PRLHR: variants seen among roughly 807,000 people sequenced by gnomAD.
PRLHR encodes prolactin-releasing peptide receptor.
PRLHR carries 10 observed loss-of-function variants against 9.3 expected under a neutral mutation model. The observed-to-expected ratio is 1.08, with a 90% CI of 0.66 to 1.82. PRLHR has a LOEUF of 1.82. Among genes scored for constraint, PRLHR ranks in the 40% most tolerant of loss-of-function variants. The probability of loss-of-function intolerance (pLI) is 0.00; values close to 1 mark genes in which losing one functional copy is unlikely to be tolerated. For missense variants in PRLHR, 589 were observed against 512.0 expected, an observed-to-expected ratio of 1.15 and a Z score of -1.45; for synonymous variants, 261 against 249.3, an observed-to-expected ratio of 1.05 and a Z score of -0.44.
At position 118,594,281 on chromosome 10, in the gene PRLHR, A is replaced by C; in HGVS notation, c.964T>G (p.Trp322Gly). The C allele has an allele frequency of 6.2e-7, 1 of 1,605,310 alleles. No homozygotes were observed. The highest frequency in any genetic ancestry group is 8.5e-7 in the Non-Finnish European group (1 of 1,177,130). Residue 322 changes from tryptophan to glycine, a missense_variant, in exon 2 of 2, where the codon TGG becomes GGG. By Grantham distance (184) the Trp-to-Gly change is radical (BLOSUM62 -2). Transcript: ENST00000239032. ...AFGLVQLLCH[W>G]LAMSSACYNP... is the part of the protein sequence containing the mutation. ...TAGCAGGCCGAACTCATGGCGAGCC[A>C]GTGGCAGAGCAGCTGCACCAGCCCA...
rs1844470322 is a variant in PRLHR, at chr10:118,594,664, G to T, written c.581C>A (p.Ala194Asp). 6.3e-7 allele frequency: 1 copy of T among 1,585,024 alleles called. No homozygotes were observed. The highest frequency in any genetic ancestry group is 1.3e-5 in the African/African-American group (1 of 74,620). Residue 194 changes from alanine (A) to aspartate (D), a missense_variant, in exon 2 of 2, where the codon GCC (alanine) becomes GAC (aspartate). Transcript: ENST00000239032. ...CTCCACGTGATAGGTGTGCACGGCG[G>T]CGGGCAGCGCCAGCACCGCGGACAG... is the stretch of plus-strand genomic sequence containing the variant. ...WALSAVLALP[A>D]AVHTYHVELK...
chr10:118,594,474 C>T lies in PRLHR; in HGVS notation c.771G>A (p.Val257=), dbSNP rs1263971389. The T allele has an allele frequency of 1.9e-6, 3 of 1,601,946 alleles. No individual in the cohort carries two copies. Among genetic ancestry groups the T allele is most frequent in the Admixed American group, 1.7e-5 (1 of 59,650 alleles). ...RVSVKLRNRV[V]PGCVTQSQAD... is the part of the protein sequence containing the mutation. ...CCTGGCTCTGGGTCACGCAGCCCGGCACCACGCGGTTGCGGAGCTTCACTG... is the reference window on the plus strand; with the variant it reads ...CCTGGCTCTGGGTCACGCAGCCCGGTACCACGCGGTTGCGGAGCTTCACTG... The change falls in exon 2 of 2, where the codon GTG becomes GTA. Residue 257 remains valine, a synonymous_variant. Coordinates refer to ENST00000239032, the MANE Select transcript of PRLHR (RefSeq NM_004248.3).
rs1195561234 is a variant in PRLHR, at chr10:118,593,347, T to A, written c.*785A>T. 1 of 152,234 alleles carries A rather than the reference T, an allele frequency of 6.6e-6. No homozygotes were observed. The highest frequency in any genetic ancestry group is 1.5e-5 in the Non-Finnish European group (1 of 68,050). The allele number at this position is 152,234 out of a possible 1,614,324, so 9.4% of individuals were successfully genotyped here. On this transcript the variant is annotated 3_prime_UTR_variant, in exon 2 of 2. Transcript: ENST00000239032. ...ATACACACACATACACAAACACACA[T>A]ACACAGAGGATGTCTGTCCTTAGGT...
In PRLHR at chr10:118,594,040, G is replaced by C; in HGVS notation, c.*92C>G. The C allele has an allele frequency of 2.0e-6, 3 of 1,479,408 alleles. No homozygotes were observed. Among genetic ancestry groups the C allele is most frequent in the Non-Finnish European group, 2.7e-6 (3 of 1,114,254 alleles). 91.6% of individuals were successfully genotyped at this position (1,479,408 alleles called of 1,614,324 possible). ...GCCCTATGTTGGCTTAGCTAGCTCT[G>C]GTGCTGAGAATAAGCACCAGATTGA... On this transcript the variant is annotated 3_prime_UTR_variant, in exon 2 of 2. Coordinates refer to ENST00000239032, the MANE Select transcript of PRLHR (RefSeq NM_004248.3).
chr10:118,595,149 G>A lies in PRLHR; in HGVS notation c.96C>T (p.Ala32=). The A allele has an allele frequency of 6.3e-7, 1 of 1,597,014 alleles. No individual in the cohort carries two copies. Among genetic ancestry groups the A allele is most frequent in the Non-Finnish European group, 8.5e-7 (1 of 1,175,588 alleles). ...VTTPANQSAE[A]SAGNGSVAGA... is the part of the protein sequence containing the mutation. The stretch of plus-strand genomic sequence containing the variant: ...CAGCCACCGACCCGTTGCCCGCCGA[G>A]GCCTCTGCGCTCTGGTTGGCGGGAG... The change falls in exon 2 of 2, where the codon GCC becomes GCT. Residue 32 remains alanine, a synonymous_variant. Transcript: ENST00000239032.
chr10:118,592,422 T>C lies in PRLHR; in HGVS notation c.*1710A>G, dbSNP rs1844442029. The C allele has an allele frequency of 6.6e-6, 1 of 152,290 alleles. No individual in the cohort carries two copies. The highest frequency in any genetic ancestry group is 1.5e-5 in the Non-Finnish European group (1 of 68,112). The allele number at this position is 152,290 out of a possible 1,614,324, so 9.4% of individuals were successfully genotyped here. A position where few individuals can be genotyped will look rare whatever the true frequency, so the allele number is the denominator to read the frequency against. ...TCTGGGGCAGGGGTGGGTTGCACTA[T>C]TAGCACACAGGTTCTTTGTTCTCCA... On this transcript the variant is annotated 3_prime_UTR_variant, in exon 2 of 2. Coordinates refer to ENST00000239032, the MANE Select transcript of PRLHR (RefSeq NM_004248.3).
rs1346051107 is a variant in PRLHR, at chr10:118,594,693, C to T, written c.552G>A (p.Trp184Ter). 6.3e-7 allele frequency: 1 copy of T among 1,590,722 alleles called. No individual in the cohort carries two copies. Among genetic ancestry groups the T allele is most frequent in the Non-Finnish European group, 8.5e-7 (1 of 1,171,202 alleles). Residue 184 changes from tryptophan (W) to a stop codon, truncating the protein, a stop_gained, in exon 2 of 2, where the codon TGG (tryptophan) becomes TGA (stop). Transcript: ENST00000239032. LOFTEE classifies it low-confidence loss of function (END_TRUNC). ...RLSAYAVLAI[W>*]ALSAVLALPA... ...GCAGCGCCAGCACCGCGGACAGCGC[C>T]CAGATGGCCAGCACAGCGTAGGCGC...
Position 118,594,574 on chromosome 10 carries a change from A to AGCTGGC in PRLHR, c.665_670dup (p.Arg222_Gln223dup), listed in dbSNP as rs779151782. 329 of 1,559,714 alleles carry AGCTGGC rather than the reference A, an allele frequency of 2.1e-4. 9 individuals carry two copies. The South Asian group carries it at 3.3e-3, about 16-fold the overall frequency. ...GACCAGCAGCAGCCCCCAGGCGTAG[A>AGCTGGC]GCTGGCGCTGGCGCTCCTGGGAGCC... On this transcript the variant is annotated inframe_insertion, in exon 2 of 2. Coordinates refer to ENST00000239032, the MANE Select transcript of PRLHR (RefSeq NM_004248.3).
chr10:118,594,241 TAGATGA>T lies in PRLHR; in HGVS notation c.998_1003del (p.Phe333_Ile334del). Reference sequence around the variant, plus strand: ...GCGGAAGCTGTCGTGCAGCCAGGCGTAGATGAAGGGGTTGTAGCAGGCCGAACTCAT... The same window carrying T: ...GCGGAAGCTGTCGTGCAGCCAGGCGTAGGGGTTGTAGCAGGCCGAACTCAT... On this transcript the variant is annotated inframe_deletion, in exon 2 of 2. Coordinates refer to ENST00000239032, the MANE Select transcript of PRLHR (RefSeq NM_004248.3). The T allele has an allele frequency of 1.2e-6, 2 of 1,601,446 alleles. No homozygotes were observed. The highest frequency in any genetic ancestry group is 1.7e-6 in the Non-Finnish European group (2 of 1,174,392).
chr10:118,593,559 A>C lies in PRLHR; in HGVS notation c.*573T>G, dbSNP rs1259195165. 6.6e-6 allele frequency: 1 copy of C among 152,222 alleles called. No individual in the cohort carries two copies. The highest frequency in any genetic ancestry group is 6.5e-5 in the Admixed American group (1 of 15,280). The allele number at this position is 152,222 out of a possible 1,614,324, so 9.4% of individuals were successfully genotyped here. A position where few individuals can be genotyped will look rare whatever the true frequency, so the allele number is the denominator to read the frequency against. On this transcript the variant is annotated 3_prime_UTR_variant, in exon 2 of 2. Transcript: ENST00000239032. ...ATAAACTCAAGTGGTTTTAAAACGA[A>C]ACCCTTTTGGCATATAAAGGTCTTA... is the stretch of plus-strand genomic sequence containing the variant.
At position 118,594,807 on chromosome 10, in the gene PRLHR, A is replaced by G. The variant is rs773402805; in HGVS notation, c.438T>C (p.Tyr146=). 5 of 1,612,712 alleles carry G rather than the reference A, an allele frequency of 3.1e-6. No individual in the cohort carries two copies. The highest frequency in any genetic ancestry group is 4.2e-6 in the Non-Finnish European group (5 of 1,179,864). Residue 146 remains tyrosine (Y), a synonymous_variant, in exon 2 of 2, where the codon TAT becomes TAC. Coordinates refer to ENST00000239032, the MANE Select transcript of PRLHR (RefSeq NM_004248.3). ...TGGTGGTGAGCGTGAACACCGACACATAGACGGTGACCGGCTGCAGGAAGA... is the reference window on the plus strand; with the variant it reads ...TGGTGGTGAGCGTGAACACCGACACGTAGACGGTGACCGGCTGCAGGAAGA... ...LVFFLQPVTV[Y]VSVFTLTTIA... is the part of the protein sequence containing the mutation.
chr10:118,591,062 T>C lies in PRLHR; in HGVS notation c.*3070A>G, dbSNP rs959495341. ...CCCTGACAACCAGGATTTAAAATAA[T>C]TCATGGTATGTAAATTTGTTTTTTG... On this transcript the variant is annotated 3_prime_UTR_variant, in exon 2 of 2. Transcript: ENST00000239032. 14 of 152,156 alleles carry C rather than the reference T, an allele frequency of 9.2e-5. No homozygotes were observed. The highest frequency in any genetic ancestry group is 2.9e-4 in the African/African-American group (12 of 41,430). 9.4% of individuals were successfully genotyped at this position (152,156 alleles called of 1,614,324 possible).
chr10:118,591,869 G>C lies in PRLHR; in HGVS notation c.*2263C>G, dbSNP rs1490326088. On this transcript the variant is annotated 3_prime_UTR_variant, in exon 2 of 2. Coordinates refer to ENST00000239032, the MANE Select transcript of PRLHR (RefSeq NM_004248.3). ...GCGCCACCACGCCTGGCTAATTTTT[G>C]TATTTTAAGTAGAGACAGGGTTTCA... 1 of 151,948 alleles carries C rather than the reference G, an allele frequency of 6.6e-6. No homozygotes were observed. The highest frequency in any genetic ancestry group is 1.5e-5 in the Non-Finnish European group (1 of 68,028). 9.4% of individuals were successfully genotyped at this position (151,948 alleles called of 1,614,324 possible). A position where few individuals can be genotyped will look rare whatever the true frequency, so the allele number is the denominator to read the frequency against.
rs944033499 is a variant in PRLHR at position 118,594,421 on chromosome 10, C to G, written c.824G>C (p.Arg275Pro). The G allele has an allele frequency of 1.2e-6, 2 of 1,600,088 alleles. No homozygotes were observed. The highest frequency in any genetic ancestry group is 1.7e-6 in the Non-Finnish European group (2 of 1,179,430). The change falls in exon 2 of 2, where the codon CGC becomes CCC. Residue 275 changes from arginine (R) to proline (P), a missense_variant. Transcript: ENST00000239032. ...QADWDRARRR[R>P]TFCLLVVIVV... ...GATCACCACCAGCAAGCAGAAGGTGCGCCGGCGCCGAGCGCGGTCCCAGTC... is the reference window on the plus strand; with the variant it reads ...GATCACCACCAGCAAGCAGAAGGTGGGCCGGCGCCGAGCGCGGTCCCAGTC...
At position 118,593,530 on chromosome 10, in the gene PRLHR, T is replaced by A. The variant is rs1844451085; in HGVS notation, c.*602A>T. On this transcript the variant is annotated 3_prime_UTR_variant, in exon 2 of 2. Transcript: ENST00000239032. ...TAAAGGGAGCTTGTAGGTGTTTTTG[T>A]ACTATAAACTCAAGTGGTTTTAAAA... 6.6e-6 allele frequency: 1 copy of A among 152,220 alleles called. No homozygotes were observed. Among genetic ancestry groups the A allele is most frequent in the South Asian group, 2.1e-4 (1 of 4,832 alleles). 9.4% of individuals were successfully genotyped at this position (152,220 alleles called of 1,614,324 possible).
Position 118,594,161 on chromosome 10 carries a change from G to A in PRLHR, c.1084C>T (p.Gln362Ter). The change falls in exon 2 of 2, where the codon CAG becomes TAG. Residue 362 changes from glutamine to a stop codon, truncating the protein, a stop_gained. Transcript: ENST00000239032. LOFTEE classifies it high-confidence loss of function. ...AWPRKIAPHG[Q>*]NMTVSVVI Reference sequence around the variant, plus strand: ...ATGACCACGCTGACGGTCATATTCTGGCCATGGGGGGCTATCTTGCGGGGC... The same window carrying A: ...ATGACCACGCTGACGGTCATATTCTAGCCATGGGGGGCTATCTTGCGGGGC... 1.3e-6 allele frequency: 2 copies of A among 1,544,574 alleles called. No individual in the cohort carries two copies. Among genetic ancestry groups the A allele is most frequent in the Non-Finnish European group, 1.7e-6 (2 of 1,144,342 alleles).
rs1372107722 is a variant in PRLHR at position 118,590,597 on chromosome 10, A to G, written c.*3535T>C. ...TGAGAAGGGCTGCTGCCAAGTACCA[A>G]GTTGGCTCAGTTCCCAGCCTGACTG... On this transcript the variant is annotated 3_prime_UTR_variant, in exon 2 of 2. Transcript: ENST00000239032. 6.6e-6 allele frequency: 1 copy of G among 152,226 alleles called. No individual in the cohort carries two copies. Among genetic ancestry groups the G allele is most frequent in the Admixed American group, 6.5e-5 (1 of 15,286 alleles). The allele number at this position is 152,226 out of a possible 1,614,324, so 9.4% of individuals were successfully genotyped here. A position where few individuals can be genotyped will look rare whatever the true frequency, so the allele number is the denominator to read the frequency against.
Position 118,594,380 on chromosome 10 carries a change from C to T in PRLHR, c.865G>A (p.Val289Ile), listed in dbSNP as rs1844462652. 1 of 1,599,948 alleles carries T rather than the reference C, an allele frequency of 6.3e-7. No homozygotes were observed. Among genetic ancestry groups the T allele is most frequent in the Non-Finnish European group, 8.5e-7 (1 of 1,179,662 alleles). The change falls in exon 2 of 2, where the codon GTC becomes ATC. Residue 289 changes from valine (V) to isoleucine (I), a missense_variant. Physicochemically the swap from Val to Ile is conservative, Grantham distance 29. Transcript: ENST00000239032. ...LLVVIVVVFA[V>I]CWLPLHVFNL... Reference sequence around the variant, plus strand: ...AAGACGTGCAGCGGCAGCCAGCAGACGGCGAACACCACCACGATCACCACC... The same window carrying T: ...AAGACGTGCAGCGGCAGCCAGCAGATGGCGAACACCACCACGATCACCACC...
rs1377765315 is a variant in PRLHR, at chr10:118,594,620, G to T, written c.625C>A (p.Arg209Ser). 9 of 1,576,416 alleles carry T rather than the reference G, an allele frequency of 5.7e-6. No homozygotes were observed. The highest frequency in any genetic ancestry group is 7.7e-6 in the Non-Finnish European group (9 of 1,163,046). Reference sequence around the variant, plus strand: ...GAGCCCCAGAACTCCTCGCAGAGGCGCACGTCGTGCGGCTTGAGCTCCACG... The same window carrying T: ...GAGCCCCAGAACTCCTCGCAGAGGCTCACGTCGTGCGGCTTGAGCTCCACG... ...YHVELKPHDV[R>S]LCEEFWGSQE... Residue 209 changes from arginine (R) to serine (S), a missense_variant, in exon 2 of 2, where the codon CGC becomes AGC. Physicochemically the swap from Arg to Ser is moderately radical, Grantham distance 110 (BLOSUM62 -1). Transcript: ENST00000239032.
Sources: allele counts gnomAD v4.1 joint callset, GRCh38; gene constraint gnomAD v4.1.1; transcripts MANE v1.5; gene names NCBI Gene and HGNC (gene_info 2026-07-23, HGNC 2026-07-21).